The following DYNC2H1 variants were observed in gnomAD, a reference collection of about 807,000 sequenced individuals.
The protein encoded by DYNC2H1 is dynein cytoplasmic 2 heavy chain 1.
A neutral mutation model predicts 570.0 loss-of-function variants in DYNC2H1; 410 were observed. The ratio of observed to expected loss-of-function variants is 0.72; its 90% CI spans 0.66 to 0.78. The LOEUF (loss-of-function observed/expected upper bound fraction) is 0.78, where lower values mean the gene tolerates loss of function less well. DYNC2H1 is among the 30% of genes least tolerant of loss of function. The pLI, the probability that DYNC2H1 is intolerant of heterozygous loss-of-function variation, is 0.00. For synonymous variants in DYNC2H1, 1,688 were observed against 1,677.6 expected, an observed-to-expected ratio of 1.01 and a Z score of -0.15; for missense variants, 4,865 against 5,046.4, an observed-to-expected ratio of 0.96 and a Z score of 1.09.
At position 103,249,397 on chromosome 11, in the gene DYNC2H1, A is replaced by C. The variant is rs1229356682; in HGVS notation, c.10043-3888A>C. Among the ~76,000 whole-genome samples the C allele has an allele frequency of 6.6e-6, 1 of 151,924 alleles. No individual in the cohort carries two copies. Among genetic ancestry groups the C allele is most frequent in the Non-Finnish European group, 1.5e-5 (1 of 67,918 alleles). The stretch of plus-strand genomic sequence containing the variant: ...AATAAATATGCGTAAAGAAAAGAAT[A>C]CCTAAATTTATAGCTAATGAATTTT... On this transcript the variant is annotated intron_variant, in intron 65 of 88. Transcript: ENST00000375735. This position sits in a 1 kb window ranked among gnomAD's most constrained non-coding sequence, Gnocchi z 4.6.
intron 73 of DYNC2H1, among the ~76,000 whole-genome samples, chr11:103,285,572 A>AC (rs1182425424): frequency 1.3e-5 from 2 of 151,122 alleles, no homozygotes; most frequent in Non-Finnish European, 3.0e-5. Context: ...ACAGGCGCCC[A>AC]CCACCAGCCT....
At chr11:103,296,549 C>G (rs1371132154) in intron 75 of DYNC2H1, among the ~76,000 whole-genome samples, 1 of 152,076 alleles carries the variant, frequency 6.6e-6, no homozygotes, top group Non-Finnish European at 1.5e-5. Context: ...AGCAATAGGA[C>G]AAAAATTCTT....
chr11:103,307,866 T>TG, intron 78 of DYNC2H1, 35 bp downstream of exon 78: 1 of 1,277,924 alleles, frequency 7.8e-7, no homozygotes, highest in Non-Finnish European at 1.1e-6. Context: ...ACCAGTTGTA[T>TG]GAAAGCAGTA....
chr11:103,241,579 C>G lies in DYNC2H1; in HGVS notation c.9820-2114C>G. ...ACTTTTTAAAAATTTAAAATAATTACTTTTGTAGTTAGGCAAAATGCAGAA... is the reference window on the plus strand; with the variant it reads ...ACTTTTTAAAAATTTAAAATAATTAGTTTTGTAGTTAGGCAAAATGCAGAA... On this transcript the variant is annotated intron_variant, in intron 63 of 88. Coordinates refer to ENST00000375735, the MANE Select transcript of DYNC2H1 (RefSeq NM_001377.3). The surrounding 1 kb of genome is among the most constrained non-coding windows in gnomAD (Gnocchi z 5.1). 1 of 1,534,280 alleles carries G rather than the reference C, an allele frequency of 6.5e-7. No homozygotes were observed. The highest frequency in any genetic ancestry group is 8.9e-7 in the Non-Finnish European group (1 of 1,121,476).
rs1322884865 is a variant in DYNC2H1, at chr11:103,187,558, C to T, written c.7112C>T (p.Thr2371Ile). 13 of 1,612,912 alleles carry T rather than the reference C, an allele frequency of 8.1e-6. No homozygotes were observed. Among genetic ancestry groups the T allele is most frequent in the Non-Finnish European group, 1.0e-5 (12 of 1,179,360 alleles). The change falls in exon 43 of 89, where the codon ACC (threonine) becomes ATC (isoleucine). Residue 2371 changes from threonine (T) to isoleucine (I), a missense_variant. By Grantham distance (89) the Thr-to-Ile change is moderately conservative. Transcript: ENST00000375735. ...CTACCTAAACTTGATAAATGGGGGACCAGTACTTTGGTAGCATTCCTACAA... is the reference window on the plus strand; with the variant it reads ...CTACCTAAACTTGATAAATGGGGGATCAGTACTTTGGTAGCATTCCTACAA... ...INLPKLDKWG[T>I]STLVAFLQQV...
chr11:103,203,914 C>T lies in DYNC2H1; in HGVS notation c.8311+138C>T, dbSNP rs897256975. 1.0e-5 allele frequency: 6 copies of T among 597,308 alleles called. No individual in the cohort carries two copies. The highest frequency in any genetic ancestry group is 1.7e-5 in the Non-Finnish European group (6 of 349,082). 37.0% of individuals were successfully genotyped at this position (597,308 alleles called of 1,614,324 possible). A position where few individuals can be genotyped will look rare whatever the true frequency, so the allele number is the denominator to read the frequency against. ...GGAGCTTTTAGAAAGTAACACCTAA[C>T]TAGTGGATAGGCTAACCTATAATAA... On this transcript the variant is annotated intron_variant, in intron 51 of 88. Coordinates refer to ENST00000375735, the MANE Select transcript of DYNC2H1 (RefSeq NM_001377.3). This position sits in a 1 kb window ranked among gnomAD's most constrained non-coding sequence, Gnocchi z 4.7.
At chr11:103,333,634 A>C (rs1041256951) in intron 82 of DYNC2H1, among the ~76,000 whole-genome samples, 1 of 152,196 alleles carries the variant, frequency 6.6e-6, no homozygotes, top group African/African-American at 2.4e-5. Context: ...GAAGAAGTGC[A>C]TGCATGGTTG....
At chr11:103,141,646 G>T (rs957882324) in intron 17 of DYNC2H1, among the ~76,000 whole-genome samples, 3 of 152,154 alleles carry the variant, frequency 2.0e-5, no homozygotes, top group Non-Finnish European at 2.9e-5. Context: ...GCTGCTCAGG[G>T]GTCAGGGGTC....
intron 80 of DYNC2H1, among the ~76,000 whole-genome samples, chr11:103,320,180 G>A (rs369526490): frequency 6.6e-6 from 1 of 152,126 alleles, no homozygotes; most frequent in Non-Finnish European, 1.5e-5. Context: ...TATTTCTGTT[G>A]CAAAATGAAA....
Position 103,195,505 on chromosome 11 carries a change from T to C in DYNC2H1, c.7709-2428T>C, listed in dbSNP as rs74908108. On this transcript the variant is annotated intron_variant, in intron 47 of 88. Transcript: ENST00000375735. Reference sequence around the variant, plus strand: ...TCTGGGTTCTCCATTGATGTATGTATCTGTCCTTCTGCCAGTACCACACTG... The same window carrying C: ...TCTGGGTTCTCCATTGATGTATGTACCTGTCCTTCTGCCAGTACCACACTG... 9.3e-3 allele frequency among the ~76,000 whole-genome samples: 1,410 copies of C among 152,310 alleles called. 18 individuals are homozygous for C. Among genetic ancestry groups the C allele is most frequent in the African/African-American group, 0.032 (1,335 of 41,570 alleles).
intron 28 of DYNC2H1, among the ~76,000 whole-genome samples, chr11:103,160,011 A>G (rs1861019494): frequency 1.3e-5 from 2 of 152,132 alleles, no homozygotes; most frequent in South Asian, 2.1e-4. Flanking sequence ...GTACAGAAAT[A>G]TTCATCAATT....
At chr11:103,253,176 C>G in intron 65 of DYNC2H1, 109 bp from the exon 66 acceptor site, 1 of 1,168,758 alleles carries the variant, frequency 8.6e-7, no homozygotes. Context: ...CCGTCTTAGA[C>G]TCTGTCGAAA....
chr11:103,417,147 T>A (rs1943314507), intron 84 of DYNC2H1, among the ~76,000 whole-genome samples: 1 of 152,180 alleles, frequency 6.6e-6, no homozygotes, highest in South Asian at 2.1e-4. Context: ...TGGCACAATC[T>A]GGGCTCACTG....
Position 103,117,821 on chromosome 11 carries a change from T to G in DYNC2H1, c.957T>G (p.Tyr319Ter). ...YVPHPWKNEK[Y>*]FPETLDKLGK... is the part of the protein sequence containing the mutation. ...CTCATCCATGGAAAAATGAAAAATATTTTCCAGAAACACTTGACAAACTTG... is the reference window on the plus strand; with the variant it reads ...CTCATCCATGGAAAAATGAAAAATAGTTTCCAGAAACACTTGACAAACTTG... The change falls in exon 6 of 89, where the codon TAT (tyrosine) becomes TAG (stop). Residue 319 changes from tyrosine to a stop codon, truncating the protein, a stop_gained. Coordinates refer to ENST00000375735, the MANE Select transcript of DYNC2H1 (RefSeq NM_001377.3). LOFTEE classifies it high-confidence loss of function. The G allele has an allele frequency of 6.2e-7, 1 of 1,613,002 alleles. No individual in the cohort carries two copies. The highest frequency in any genetic ancestry group is 8.5e-7 in the Non-Finnish European group (1 of 1,179,290).
rs1242996628 is a variant in DYNC2H1 at position 103,205,910 on chromosome 11, C to T, written c.8454+946C>T. 6.6e-6 allele frequency among the ~76,000 whole-genome samples: 1 copy of T among 152,178 alleles called. No individual in the cohort carries two copies. The highest frequency in any genetic ancestry group is 1.9e-4 in the East Asian group (1 of 5,198). ...AGTTAGGATGGGGCTTTGTAAGCTACTACACTCTATAGGATTTCAGCTTTT... is the reference window on the plus strand; with the variant it reads ...AGTTAGGATGGGGCTTTGTAAGCTATTACACTCTATAGGATTTCAGCTTTT... On this transcript the variant is annotated intron_variant, in intron 52 of 88. Transcript: ENST00000375735. The surrounding 1 kb of genome is among the most constrained non-coding windows in gnomAD (Gnocchi z 4.5).
At chr11:103,328,230 A>C (rs1331985897) in intron 82 of DYNC2H1, among the ~76,000 whole-genome samples, 1 of 152,162 alleles carries the variant, frequency 6.6e-6, no homozygotes, top group Non-Finnish European at 1.5e-5. Flanking sequence ...TTTGTATTTT[A>C]ACTGTCAGTC....
intron 55 of DYNC2H1, among the ~76,000 whole-genome samples, chr11:103,216,281 T>A (rs1807104301): frequency 6.6e-6 from 1 of 152,178 alleles, no homozygotes; most frequent in African/African-American, 2.4e-5. Context: ...TGATGTTTTG[T>A]ATTTTGATTA....
rs1445439773 is a variant in DYNC2H1, at chr11:103,205,415, A to C, written c.8454+451A>C. The stretch of plus-strand genomic sequence containing the variant: ...CTCATTTGAATAAGTAATAATTTCA[A>C]CATTGTTTGTTTAAATGATATTCAT... On this transcript the variant is annotated intron_variant, in intron 52 of 88. Coordinates refer to ENST00000375735, the MANE Select transcript of DYNC2H1 (RefSeq NM_001377.3). This position sits in a 1 kb window ranked among gnomAD's most constrained non-coding sequence, Gnocchi z 4.5. Among the ~76,000 whole-genome samples, 9 of 152,188 alleles carry C rather than the reference A, an allele frequency of 5.9e-5. No individual in the cohort carries two copies. Among genetic ancestry groups the C allele is most frequent in the Admixed American group, 5.9e-4 (9 of 15,268 alleles).
intron 75 of DYNC2H1, among the ~76,000 whole-genome samples, chr11:103,302,599 C>T (rs1867094725): frequency 6.6e-6 from 1 of 152,036 alleles, no homozygotes; most frequent in Non-Finnish European, 1.5e-5. Context: ...AACTTTTTGG[C>T]CTATATCATG....
Sources: allele counts gnomAD v4.1 joint callset (sites outside exome capture counted in the v4.1 genomes callset), GRCh38; gene constraint gnomAD v4.1.1; non-coding constraint Gnocchi (gnomAD v3.1); transcripts MANE v1.5; gene names NCBI Gene and HGNC (gene_info 2026-07-23, HGNC 2026-07-21).